PCDH7: variants seen among roughly 807,000 people sequenced by gnomAD.
The protein encoded by PCDH7 is protocadherin-7.
A neutral mutation model predicts 58.9 loss-of-function variants in PCDH7; 17 were observed. That is an observed-to-expected ratio of 0.29 (90% CI 0.20 to 0.43). The LOEUF (loss-of-function observed/expected upper bound fraction) is 0.43, where lower values mean the gene tolerates loss of function less well. Ranked by LOEUF, PCDH7 falls within the 20% of genes least tolerant of loss-of-function variation. PCDH7 has a pLI of 1.00. For synonymous variants in PCDH7, 664 were observed against 616.4 expected (o/e 1.08, Z -1.14); for missense variants, 1,274 against 1,441.0 (o/e 0.88, Z 1.88).
rs562894229 is a variant in PCDH7, at chr4:31,077,271, G to A, written c.*8-65202G>A. The stretch of plus-strand genomic sequence containing the variant: ...ACTAAAAATACAAAATTAGCCGGGC[G>A]TGTGGTGCATGCCTGTAATCCCAAC... On this transcript the variant is annotated intron_variant, in intron 3 of 3. Coordinates refer to the PCDH7 transcript ENST00000509759. 5.9e-4 allele frequency among the ~76,000 whole-genome samples: 90 copies of A among 151,738 alleles called. 1 individual carries two copies. The highest frequency in any genetic ancestry group is 1.1e-3 in the Non-Finnish European group (73 of 67,852).
At chr4:30,754,630 A>T (rs1719029258) in intron 1 of PCDH7, among the ~76,000 whole-genome samples, 1 of 152,208 alleles carries the variant, frequency 6.6e-6, no homozygotes, top group South Asian at 2.1e-4. Flanking sequence ...TCAGGGAAAT[A>T]GGTAAGACAT....
chr4:31,028,528 A>T (rs896083147), intron 3 of PCDH7, among the ~76,000 whole-genome samples: 12 of 152,106 alleles, frequency 7.9e-5, no homozygotes, highest in Non-Finnish European at 1.5e-4. Flanking sequence ...ATGGTGGTAC[A>T]CCTGTAATCC....
chr4:30,980,599 CAAAG>C (rs1750466267), intron 3 of PCDH7, among the ~76,000 whole-genome samples: 2 of 151,960 alleles, frequency 1.3e-5, no homozygotes, highest in African/African-American at 2.4e-5. Context: ...ACAAGGCTCA[CAAAG>C]AAACATCGAG....
At chr4:30,858,294 T>C (rs940016322) in intron 1 of PCDH7, among the ~76,000 whole-genome samples, 3 of 152,184 alleles carry the variant, frequency 2.0e-5, no homozygotes, top group Admixed American at 1.3e-4. Context: ...TTGTGTCTTT[T>C]GTTCTCATTT....
intron 3 of PCDH7, among the ~76,000 whole-genome samples, chr4:31,073,857 C>A (rs1011434481): frequency 3.9e-5 from 6 of 152,230 alleles, no homozygotes; most frequent in South Asian, 2.1e-4. Context: ...GAGGATGAAA[C>A]CTAAATTTCT....
intron 3 of PCDH7, among the ~76,000 whole-genome samples, chr4:31,079,351 T>TATATAG (rs1560628172): frequency 1.4e-4 from 12 of 83,504 alleles, no homozygotes; most frequent in Non-Finnish European, 2.5e-4. Context: ...TATATATATA[T>TATATAG]ATATATATAT....
intron 2 of PCDH7, among the ~76,000 whole-genome samples, chr4:30,927,665 C>A (rs539103857): frequency 6.6e-6 from 1 of 152,028 alleles, no homozygotes; most frequent in African/African-American, 2.4e-5. Flanking sequence ...GCAGCATGCT[C>A]GTTAAGAGTC....
chr4:30,810,165 G>A (rs1056520076), intron 1 of PCDH7, among the ~76,000 whole-genome samples: 2 of 152,056 alleles, frequency 1.3e-5, no homozygotes, highest in African/African-American at 4.8e-5. Context: ...TGTTCCATTA[G>A]CACAGATGTT....
chr4:30,932,289 C>A (rs2109427278), intron 2 of PCDH7, among the ~76,000 whole-genome samples: 1 of 152,208 alleles, frequency 6.6e-6, no homozygotes, highest in East Asian at 1.9e-4. Flanking sequence ...TGATGTCTAC[C>A]ACAGCTAGTG....
chr4:30,743,178 C>T (rs1339896954), intron 1 of PCDH7, among the ~76,000 whole-genome samples: 1 of 151,826 alleles, frequency 6.6e-6, no homozygotes, highest in Non-Finnish European at 1.5e-5. Flanking sequence ...AAGTATTTTC[C>T]TAAGGAAAAA....
chr4:31,050,245 C>T (rs1047194447), intron 3 of PCDH7, among the ~76,000 whole-genome samples: 5 of 151,964 alleles, frequency 3.3e-5, no homozygotes, highest in African/African-American at 7.3e-5. Flanking sequence ...ACATCAATTT[C>T]GAGAAAAAAC....
intron 3 of PCDH7, among the ~76,000 whole-genome samples, chr4:31,107,701 T>C (rs1282327278): frequency 1.3e-5 from 2 of 152,126 alleles, no homozygotes; most frequent in Non-Finnish European, 2.9e-5. Flanking sequence ...CTAAAAAATG[T>C]TCACAGTTCT....
chr4:30,784,612 C>T (rs1427235533), intron 1 of PCDH7, among the ~76,000 whole-genome samples: 1 of 152,000 alleles, frequency 6.6e-6, no homozygotes, highest in Non-Finnish European at 1.5e-5. Flanking sequence ...CCTATAATTT[C>T]CTATTTTTTT....
At chr4:30,928,895 C>T (rs1186794086) in intron 2 of PCDH7, among the ~76,000 whole-genome samples, 1 of 151,928 alleles carries the variant, frequency 6.6e-6, no homozygotes, top group Non-Finnish European at 1.5e-5. Context: ...TTTATGTCTT[C>T]TTTTTTCCTT....
At chr4:31,005,498 ATG>A (rs1201416161) in intron 3 of PCDH7, among the ~76,000 whole-genome samples, 1 of 152,194 alleles carries the variant, frequency 6.6e-6, no homozygotes, top group African/African-American at 2.4e-5. Context: ...AATAGGTTTC[ATG>A]TGTGAAAAAA....
chr4:30,997,374 G>A (rs1222108218), intron 3 of PCDH7, among the ~76,000 whole-genome samples: 2 of 152,082 alleles, frequency 1.3e-5, no homozygotes, highest in African/African-American at 2.4e-5. Context: ...TGTTATTTTT[G>A]TTAGAATTTA....
chr4:31,050,248 GA>G (rs1463429227), intron 3 of PCDH7, among the ~76,000 whole-genome samples: 7 of 152,066 alleles, frequency 4.6e-5, no homozygotes, highest in African/African-American at 1.4e-4. Context: ...TCAATTTCGA[GA>G]AAAAACTTAT....
At chr4:30,821,512 G>A (rs1287491643) in intron 1 of PCDH7, among the ~76,000 whole-genome samples, 1 of 152,194 alleles carries the variant, frequency 6.6e-6, no homozygotes, top group African/African-American at 2.4e-5. Context: ...TACAGCTAAG[G>A]ATGGTGGCCT....
At chr4:30,984,227 A>C (rs1750790442) in intron 3 of PCDH7, among the ~76,000 whole-genome samples, 1 of 152,184 alleles carries the variant, frequency 6.6e-6, no homozygotes, top group Non-Finnish European at 1.5e-5. Flanking sequence ...TTTATATAAA[A>C]TCTTGCCTCG....
Sources: gnomAD v4.1 joint callset for allele counts (sites outside exome capture counted in the v4.1 genomes callset) on GRCh38, gnomAD v4.1.1 for gene constraint, MANE v1.5 for transcripts, NCBI Gene and HGNC (gene_info 2026-07-23, HGNC 2026-07-21) for gene names.